The following PDIA5 variants were observed in gnomAD, a reference collection of about 807,000 sequenced individuals.
The protein encoded by PDIA5 is protein disulfide isomerase family A member 5, also known as protein disulfide-isomerase A5.
Under a neutral mutation model 77.6 loss-of-function variants are expected in PDIA5, and 58 were observed. The observed-to-expected ratio is 0.75, with a 90% CI of 0.61 to 0.93. PDIA5 has a LOEUF of 0.93. Ranked by LOEUF, PDIA5 falls within the 40% of genes least tolerant of loss-of-function variation. The pLI, the probability that PDIA5 is intolerant of heterozygous loss-of-function variation, is 0.00. For synonymous variants in PDIA5, 250 were observed against 252.1 expected (o/e 0.99, Z 0.08); for missense variants, 630 against 647.7 (o/e 0.97, Z 0.30).
chr3:123,135,329 G>A (rs541322382), intron 11 of PDIA5, among the ~76,000 whole-genome samples: 30 of 152,234 alleles, frequency 2.0e-4, no homozygotes, highest in Middle Eastern at 3.4e-3. Flanking sequence ...TGAGCAGCTC[G>A]TCTCTCCTAG....
intron 14 of PDIA5, among the ~76,000 whole-genome samples, chr3:123,152,190 C>T (rs77785858): frequency 0.01 from 1,494 of 147,980 alleles, 19 homozygotes; most frequent in Admixed American, 0.015. Flanking sequence ...CCTGCCTTCC[C>T]ACCTGTCTTC....
At chr3:123,104,461 C>A (rs1444230005) in intron 5 of PDIA5, among the ~76,000 whole-genome samples, 2 of 152,174 alleles carry the variant, frequency 1.3e-5, no homozygotes, top group East Asian at 1.9e-4. Flanking sequence ...GATGGAGGAC[C>A]CCCCGACAGG....
At chr3:123,086,431 G>A (rs1934139688) in intron 1 of PDIA5, among the ~76,000 whole-genome samples, 1 of 152,182 alleles carries the variant, frequency 6.6e-6, no homozygotes, top group Non-Finnish European at 1.5e-5. Context: ...AAGGCAGGAG[G>A]CTGAGAAGGC....
At position 123,155,531 on chromosome 3, in the gene PDIA5, G is replaced by T. The variant is rs374899310; in HGVS notation, c.1344+490G>T. On this transcript the variant is annotated intron_variant, in intron 15 of 16. Transcript: ENST00000316218. ...GAGCTGCAGATTGGATTAGAGTGCA[G>T]GGCCTCCAGGCGCGTCCCCCAGGCA... Among the ~76,000 whole-genome samples the T allele has an allele frequency of 6.6e-4, 101 of 152,326 alleles. 1 individual carries two copies. In the South Asian group the frequency reaches 0.02, roughly 31 times the overall value.
At chr3:123,093,482 C>T (rs1934350798) in intron 3 of PDIA5, among the ~76,000 whole-genome samples, 1 of 152,164 alleles carries the variant, frequency 6.6e-6, no homozygotes, top group African/African-American at 2.4e-5. Flanking sequence ...ATTTCCATAT[C>T]TGAAGATGAC....
At chr3:123,121,285 C>T (rs971606939) in intron 8 of PDIA5, among the ~76,000 whole-genome samples, 3 of 152,156 alleles carry the variant, frequency 2.0e-5, no homozygotes, top group African/African-American at 4.8e-5. Flanking sequence ...AAGAAGCTGC[C>T]GTGATGGTTC....
intron 1 of PDIA5, among the ~76,000 whole-genome samples, chr3:123,083,096 A>G (rs1356579610): frequency 7.3e-5 from 11 of 151,280 alleles, no homozygotes; most frequent in East Asian, 5.8e-4. Context: ...GCCTCCAGCC[A>G]TGGCAGAGGT....
At chr3:123,092,476 T>C (rs1576438792) in intron 3 of PDIA5, 34 bp downstream of exon 3, 1 of 1,515,290 alleles carries the variant, frequency 6.6e-7, no homozygotes. Flanking sequence ...TGGTGGCTGC[T>C]GGGCAGAGGG....
At chr3:123,101,418 A>G (rs1175627669) in intron 3 of PDIA5, among the ~76,000 whole-genome samples, 1 of 152,178 alleles carries the variant, frequency 6.6e-6, no homozygotes, top group Non-Finnish European at 1.5e-5. Context: ...GTTGTGCGTG[A>G]GTGCTTTGTA....
intron 1 of PDIA5, among the ~76,000 whole-genome samples, chr3:123,072,463 G>T (rs1452583719): frequency 6.6e-6 from 1 of 152,192 alleles, no homozygotes; most frequent in African/African-American, 2.4e-5. Context: ...GAGGAGGTGG[G>T]CAAGGAAGGG....
intron 3 of PDIA5, among the ~76,000 whole-genome samples, chr3:123,100,810 T>A (rs1934570103): frequency 6.6e-6 from 1 of 152,230 alleles, no homozygotes; most frequent in South Asian, 2.1e-4. Context: ...AGTCCATCTG[T>A]TCTGGGCTGG....
At position 123,145,525 on chromosome 3, in the gene PDIA5, G is replaced by A; in HGVS notation, c.914G>A (p.Cys305Tyr). Reference protein sequence around the residue: ...SVLVMFHAPWCGHCKKMKPEF... With the variant: ...SVLVMFHAPWYGHCKKMKPEF... ...TTCTCTTGATCTCTCCCCACAGGGT[G>A]TGGCCACTGTAAGAAAATGAAGCCG... is the stretch of plus-strand genomic sequence containing the variant. The change falls in exon 12 of 17, where the codon TGT becomes TAT. Residue 305 changes from cysteine (C) to tyrosine (Y), a missense_variant. Cys to Tyr is a radical substitution (Grantham distance 194). Coordinates refer to ENST00000316218, the MANE Select transcript of PDIA5 (RefSeq NM_006810.4). 6.2e-7 allele frequency: 1 copy of A among 1,613,762 alleles called. No homozygotes were observed. The highest frequency in any genetic ancestry group is 1.1e-5 in the South Asian group (1 of 91,088).
At chr3:123,128,242 G>T (rs536919240) in intron 10 of PDIA5, among the ~76,000 whole-genome samples, 2 of 152,212 alleles carry the variant, frequency 1.3e-5, no homozygotes, top group Non-Finnish European at 2.9e-5. Context: ...TTCTGTGTGC[G>T]TGTGGTTCTT....
chr3:123,088,494 G>C (rs1362723242), intron 1 of PDIA5, among the ~76,000 whole-genome samples: 2 of 152,196 alleles, frequency 1.3e-5, no homozygotes, highest in African/African-American at 4.8e-5. Context: ...TAGATGGGAT[G>C]GAGTTTTTAC....
intron 1 of PDIA5, among the ~76,000 whole-genome samples, chr3:123,068,956 T>C (rs1172218701): frequency 6.6e-6 from 1 of 152,168 alleles, no homozygotes; most frequent in East Asian, 1.9e-4. Flanking sequence ...TGTGTGGTAG[T>C]TAGCTAGGCA....
At chr3:123,069,070 C>G (rs1014933535) in intron 1 of PDIA5, among the ~76,000 whole-genome samples, 1 of 152,218 alleles carries the variant, frequency 6.6e-6, no homozygotes, top group Non-Finnish European at 1.5e-5. Flanking sequence ...TCTATCTTCT[C>G]CTTTCCCTAA....
chr3:123,102,804 T>C lies in PDIA5; in HGVS notation c.387+8T>C, dbSNP rs1380558340. Reference sequence around the variant, plus strand: ...CGAGCTGTGACATTTAAGGTAAATTTACCTCCCTTGTTCTCAGCAATGGTG... The same window carrying C: ...CGAGCTGTGACATTTAAGGTAAATTCACCTCCCTTGTTCTCAGCAATGGTG... On this transcript the variant is annotated splice_region_variant and intron_variant, in intron 5 of 16. Coordinates refer to ENST00000316218, the MANE Select transcript of PDIA5 (RefSeq NM_006810.4). The C allele has an allele frequency of 6.3e-7, 1 of 1,594,386 alleles. No homozygotes were observed. The highest frequency in any genetic ancestry group is 8.6e-7 in the Non-Finnish European group (1 of 1,161,842).
chr3:123,096,082 G>A (rs1934428904), intron 3 of PDIA5, among the ~76,000 whole-genome samples: 1 of 152,052 alleles, frequency 6.6e-6, no homozygotes, highest in Non-Finnish European at 1.5e-5. Flanking sequence ...TTTTGGAAGG[G>A]TGCCTATCCT....
At chr3:123,113,158 G>C (rs992265403) in intron 7 of PDIA5, among the ~76,000 whole-genome samples, 3 of 152,154 alleles carry the variant, frequency 2.0e-5, no homozygotes, top group Admixed American at 6.5e-5. Context: ...GGCCTCCTTT[G>C]GTATATCTTA....
Sources: allele counts gnomAD v4.1 joint callset (sites outside exome capture counted in the v4.1 genomes callset), GRCh38; gene constraint gnomAD v4.1.1; transcripts MANE v1.5; gene names NCBI Gene and HGNC (gene_info 2026-07-23, HGNC 2026-07-21).